Variants in UNC79 observed in about 807,000 individuals in gnomAD.
The protein encoded by UNC79 is protein unc-79 homolog.
UNC79 carries 37 observed loss-of-function variants against 283.1 expected under a neutral mutation model. That is an observed-to-expected ratio of 0.13 (90% CI 0.10 to 0.17). The LOEUF (loss-of-function observed/expected upper bound fraction) is 0.17, where lower values mean the gene tolerates loss of function less well. Among genes scored for constraint, UNC79 ranks in the 10% least tolerant of loss-of-function variants. The pLI, the probability that UNC79 is intolerant of heterozygous loss-of-function variation, is 1.00. For missense variants in UNC79, 2,272 were observed against 3,211.1 expected, an observed-to-expected ratio of 0.71 and a Z score of 7.07; for synonymous variants, 1,107 against 1,200.2, an observed-to-expected ratio of 0.92 and a Z score of 1.61.
intron 47 of UNC79, among the ~76,000 whole-genome samples, chr14:93,699,794 A>C (rs2075397040): frequency 6.6e-6 from 1 of 152,198 alleles, no homozygotes; most frequent in Non-Finnish European, 1.5e-5. Flanking sequence ...ACAGTTGACT[A>C]TCTCTTAAAG....
chr14:93,608,601 G>C (rs1278859152), intron 26 of UNC79, among the ~76,000 whole-genome samples: 1 of 152,206 alleles, frequency 6.6e-6, no homozygotes, highest in Non-Finnish European at 1.5e-5. Context: ...AGTGTAGTGA[G>C]AGCTGCCTGT....
chr14:93,517,173 T>C (rs1482618325), intron 7 of UNC79, among the ~76,000 whole-genome samples: 1 of 151,310 alleles, frequency 6.6e-6, no homozygotes, highest in African/African-American at 2.4e-5. Context: ...CCTTCCTTCC[T>C]TCCTTCCTCC....
intron 1 of UNC79, among the ~76,000 whole-genome samples, chr14:93,456,719 T>G (rs1422146047): frequency 1.3e-5 from 2 of 152,182 alleles, no homozygotes; most frequent in Admixed American, 1.3e-4. Context: ...ATGAAAAATA[T>G]TTATATGCCT....
intron 5 of UNC79, among the ~76,000 whole-genome samples, chr14:93,489,415 G>T (rs2058615290): frequency 6.6e-6 from 1 of 152,156 alleles, no homozygotes; most frequent in Non-Finnish European, 1.5e-5. Flanking sequence ...ATCTAAATCA[G>T]ATATGGGTGA....
At chr14:93,436,627 A>G (rs28385502) in intron 1 of UNC79, among the ~76,000 whole-genome samples, 7,712 of 152,230 alleles carry the variant, frequency 0.051, 289 homozygotes, top group Admixed American at 0.12. Context: ...TTGCAGTAGT[A>G]TTATGTTGGA....
intron 18 of UNC79, 49 bp from the exon 19 acceptor site, chr14:93,580,099 CT>C (rs149492147): frequency 5.6e-3 from 7,158 of 1,268,960 alleles, no homozygotes; most frequent in South Asian, 7.6e-3. Context: ...CCTTCTTCTT[CT>C]TTTTTTTTTG....
chr14:93,431,595 A>G (rs2055881487), intron 1 of UNC79, among the ~76,000 whole-genome samples: 1 of 152,174 alleles, frequency 6.6e-6, no homozygotes, highest in African/African-American at 2.4e-5. Flanking sequence ...AAATTAACTC[A>G]CTAATGCCAA....
At chr14:93,631,288 T>C (rs951623877) in intron 31 of UNC79, among the ~76,000 whole-genome samples, 1 of 152,252 alleles carries the variant, frequency 6.6e-6, no homozygotes, top group Non-Finnish European at 1.5e-5. Flanking sequence ...TTATTTAATT[T>C]GAGTCGCCTC....
chr14:93,510,933 A>G (rs1028839368), intron 7 of UNC79, among the ~76,000 whole-genome samples: 1 of 152,250 alleles, frequency 6.6e-6, no homozygotes, highest in Non-Finnish European at 1.5e-5. Context: ...ACACACTGCT[A>G]TAAAGAAATA....
intron 7 of UNC79, among the ~76,000 whole-genome samples, chr14:93,515,408 T>A (rs1448159949): frequency 6.6e-6 from 1 of 152,098 alleles, no homozygotes; most frequent in African/African-American, 2.4e-5. Context: ...AGATTCTGAT[T>A]CTCTTGTCTG....
intron 14 of UNC79, among the ~76,000 whole-genome samples, chr14:93,556,714 C>A (rs1250325074): frequency 6.7e-6 from 1 of 149,386 alleles, no homozygotes; most frequent in Non-Finnish European, 1.5e-5. Context: ...ACCTTTTTTT[C>A]AAAAAAACAA....
intron 5 of UNC79, among the ~76,000 whole-genome samples, chr14:93,491,021 G>C (rs1045324003): frequency 1.3e-5 from 2 of 152,128 alleles, no homozygotes; most frequent in Non-Finnish European, 2.9e-5. Flanking sequence ...CCAGGGGCTG[G>C]GAAGTCCAAA....
At chr14:93,694,392 A>T (rs756395891) in exon 47 of UNC79, 1 of 1,610,402 alleles carries the variant, frequency 6.2e-7, no homozygotes, top group Non-Finnish European at 8.5e-7. Context: ...GCAGGAATGC[A>T]ATTCGACCAT....
intron 47 of UNC79, among the ~76,000 whole-genome samples, chr14:93,702,629 A>C (rs555406210): frequency 6.6e-6 from 1 of 152,246 alleles, no homozygotes; most frequent in East Asian, 1.9e-4. Flanking sequence ...CTAACTTTGA[A>C]CTCTGAGGTC....
chr14:93,403,299 C>G (rs2055150180), intron 1 of UNC79, among the ~76,000 whole-genome samples: 1 of 152,174 alleles, frequency 6.6e-6, no homozygotes, highest in Non-Finnish European at 1.5e-5. Flanking sequence ...TGAAGATAAG[C>G]TATGAATTTA....
At chr14:93,506,515 A>G (rs2059550533) in intron 7 of UNC79, among the ~76,000 whole-genome samples, 1 of 152,186 alleles carries the variant, frequency 6.6e-6, no homozygotes, top group Non-Finnish European at 1.5e-5. Context: ...TTTCTATAAA[A>G]AATTGACTAT....
chr14:93,345,658 G>GA lies in UNC79; in HGVS notation c.-351+12140dup, dbSNP rs555351140. ...CAAGGGACAAAACGTTGATGAGTGAGAAAAAGGTTGAAAGACAGAGGTGAC... is the reference window on the plus strand; with the variant it reads ...CAAGGGACAAAACGTTGATGAGTGAGAAAAAAGGTTGAAAGACAGAGGTGAC... On this transcript the variant is annotated intron_variant, in intron 1 of 49. Transcript: ENST00000256339. 4.7e-3 allele frequency among the ~76,000 whole-genome samples: 718 copies of GA among 152,222 alleles called. 3 individuals are homozygous for GA. Among genetic ancestry groups the GA allele is most frequent in the African/African-American group, 0.016 (673 of 41,540 alleles).
At chr14:93,583,725 G>A (rs146614585) in intron 20 of UNC79, among the ~76,000 whole-genome samples, 1 of 151,898 alleles carries the variant, frequency 6.6e-6, no homozygotes, top group Non-Finnish European at 1.5e-5. Flanking sequence ...GAAGAGGAGG[G>A]CAAAATATAA....
At chr14:93,557,833 T>C (rs747761221) in intron 14 of UNC79, among the ~76,000 whole-genome samples, 25 of 152,178 alleles carry the variant, frequency 1.6e-4, no homozygotes, top group Non-Finnish European at 3.4e-4. Context: ...CCAGAAGTAA[T>C]CTAGAGCAGA....
Sources: gnomAD v4.1 joint callset for allele counts (sites outside exome capture counted in the v4.1 genomes callset) on GRCh38, gnomAD v4.1.1 for gene constraint, MANE v1.5 for transcripts, NCBI Gene and HGNC (gene_info 2026-07-23, HGNC 2026-07-21) for gene names.